The following FAH variants were observed in gnomAD, a reference collection of about 807,000 sequenced individuals.
FAH encodes fumarylacetoacetate hydrolase, also known as fumarylacetoacetase.
A neutral mutation model predicts 55.8 loss-of-function variants in FAH; 47 were observed. The ratio of observed to expected loss-of-function variants is 0.84; its 90% CI spans 0.67 to 1.07. The LOEUF (loss-of-function observed/expected upper bound fraction) is 1.07. Ranked by LOEUF, FAH falls within the 50% of genes least tolerant of loss-of-function variation. The pLI, the probability that FAH is intolerant of heterozygous loss-of-function variation, is 0.00. For synonymous variants in FAH, 199 were observed against 207.7 expected (o/e 0.96, Z 0.36); for missense variants, 495 against 545.9 (o/e 0.91, Z 0.93).
Position 80,181,114 on chromosome 15 carries a change from C to T in FAH, c.1135C>T (p.Gln379Ter). Residue 379 changes from glutamine to a stop codon, truncating the protein, a stop_gained, in exon 13 of 14, where the codon CAG (glutamine) becomes TAG (stop). Coordinates refer to ENST00000561421, the MANE Select transcript of FAH (RefSeq NM_000137.4). LOFTEE classifies it high-confidence loss of function. ...GAAGCCCATAGACCTGGGGAATGGT[C>T]AGACCAGGAAGTTTCTGCTGGACGG... ...GTKPIDLGNGQTRKFLLDGDE... is the reference protein window; with the variant it reads ...GTKPIDLGNG The T allele has an allele frequency of 6.2e-7, 1 of 1,613,814 alleles. No homozygotes were observed. The highest frequency in any genetic ancestry group is 8.5e-7 in the Non-Finnish European group (1 of 1,179,832).
At chr15:80,171,683 A>G (rs550318921) in intron 7 of FAH, among the ~76,000 whole-genome samples, 7 of 152,178 alleles carry the variant, frequency 4.6e-5, no homozygotes, top group Admixed American at 3.9e-4. Flanking sequence ...GCTTGTCTCA[A>G]ACTCCGAGGC....
intron 1 of FAH, among the ~76,000 whole-genome samples, chr15:80,154,701 A>G (rs2041083348): frequency 2.0e-5 from 3 of 152,164 alleles, no homozygotes; most frequent in South Asian, 2.1e-4. Context: ...GAATCCTGCC[A>G]TCACTTTATT....
At chr15:80,176,369 G>A (rs2041284253) in intron 10 of FAH, among the ~76,000 whole-genome samples, 1 of 152,220 alleles carries the variant, frequency 6.6e-6, no homozygotes, top group Non-Finnish European at 1.5e-5. Flanking sequence ...GCTTTGCCAT[G>A]TCTGTCTCAC....
At position 80,159,776 on chromosome 15, in the gene FAH, G is replaced by C. The variant is rs748140237; in HGVS notation, c.213G>C (p.Met71Ile). 1.9e-6 allele frequency: 3 copies of C among 1,614,194 alleles called. No individual in the cohort carries two copies. In the South Asian group the frequency reaches 3.3e-5, roughly 18 times the overall value. Residue 71 changes from methionine (M) to isoleucine (I), a missense_variant, in exon 3 of 14, where the codon ATG (methionine) becomes ATC (isoleucine). By Grantham distance (10) the Met-to-Ile change is conservative (BLOSUM62 1). Transcript: ENST00000561421. The stretch of plus-strand genomic sequence containing the variant: ...CTTAGCCTACACTCAACAGCTTCAT[G>C]GGCCTGGGTCAGGCTGCCTGGAAGG... ...VFNQPTLNSF[M>I]GLGQAAWKEA...
At chr15:80,162,459 T>C (rs2041157588) in intron 5 of FAH, 123 bp downstream of exon 5, 1 of 838,576 alleles carries the variant, frequency 1.2e-6, no homozygotes, top group Non-Finnish European at 2.0e-6. Flanking sequence ...GCAGTTATGA[T>C]GTTGCAACCT....
At chr15:80,171,293 A>G (rs986847986) in intron 7 of FAH, among the ~76,000 whole-genome samples, 1 of 151,720 alleles carries the variant, frequency 6.6e-6, no homozygotes, top group African/African-American at 2.4e-5. Context: ...GCACATATAC[A>G]CCATGGAATA....
Position 80,176,752 on chromosome 15 carries a change from C to T in FAH, c.914-785C>T, listed in dbSNP as rs139565675. On this transcript the variant is annotated intron_variant, in intron 10 of 13. Transcript: ENST00000561421. ...CTGGCTGCCTAGAGGTGAACCTGCC[C>T]GCCCGGGGGAGGCCACTGGTAGAAA... 1.4e-3 allele frequency among the ~76,000 whole-genome samples: 206 copies of T among 152,354 alleles called. 1 individual carries two copies. The highest frequency in any genetic ancestry group is 4.7e-3 in the African/African-American group (195 of 41,582).
Position 80,186,162 on chromosome 15 carries a change from T to C in FAH, c.1213T>C (p.Phe405Leu), listed in dbSNP as rs1341466471. The change falls in exon 14 of 14, where the codon TTT (phenylalanine) becomes CTT (leucine). Residue 405 changes from phenylalanine (F) to leucine (L), a missense_variant. Phe to Leu is a conservative substitution (Grantham distance 22, BLOSUM62 0). Coordinates refer to ENST00000561421, the MANE Select transcript of FAH (RefSeq NM_000137.4). ...YCQGDGYRIG[F>L]GQCAGKVLPA... ...CCAGGGGGATGGTTACCGCATCGGC[T>C]TTGGCCAGTGTGCTGGAAAAGTGCT... The C allele has an allele frequency of 1.2e-6, 2 of 1,614,078 alleles. No homozygotes were observed. Among genetic ancestry groups the C allele is most frequent in the Admixed American group, 1.7e-5 (1 of 60,008 alleles).
At chr15:80,172,334 G>A in intron 8 of FAH, 86 bp downstream of exon 8, 1 of 1,017,022 alleles carries the variant, frequency 9.8e-7, no homozygotes. Flanking sequence ...AAGATCTGGT[G>A]CAGGTCAAAA....
intron 11 of FAH, among the ~76,000 whole-genome samples, chr15:80,179,781 G>A (rs1466798062): frequency 6.6e-6 from 1 of 152,222 alleles, no homozygotes; most frequent in African/African-American, 2.4e-5. Flanking sequence ...AGAGTGGAGT[G>A]TTGTACACAA....
chr15:80,164,547 C>G (rs1441351765), intron 5 of FAH, among the ~76,000 whole-genome samples: 2 of 151,994 alleles, frequency 1.3e-5, no homozygotes, highest in Non-Finnish European at 2.9e-5. Flanking sequence ...CACACACACA[C>G]GCATGTACAC....
intron 9 of FAH, 26 bp downstream of exon 9, chr15:80,173,170 C>G (rs763974108): frequency 1.4e-5 from 22 of 1,614,028 alleles, no homozygotes; most frequent in Non-Finnish European, 1.5e-5. Flanking sequence ...GCAGGAAGCT[C>G]CCAAACCCAG....
chr15:80,158,223 T>C, intron 2 of FAH, 53 bp downstream of exon 2: 2 of 1,222,804 alleles, frequency 1.6e-6, no homozygotes, highest in Admixed American at 1.7e-5. Context: ...TTACTGTGGA[T>C]GCCAACAAGA....
chr15:80,173,946 C>A (rs1250744817), intron 9 of FAH, among the ~76,000 whole-genome samples: 1 of 152,176 alleles, frequency 6.6e-6, no homozygotes, highest in Non-Finnish European at 1.5e-5. Flanking sequence ...CCTCTACCAA[C>A]ACCCGGTGCT....
At chr15:80,174,746 G>A (rs2041268351) in intron 9 of FAH, among the ~76,000 whole-genome samples, 1 of 152,160 alleles carries the variant, frequency 6.6e-6, no homozygotes, top group Admixed American at 6.5e-5. Context: ...CCCTCCTGTG[G>A]CTTTCAGGAA....
At chr15:80,175,255 A>G (rs2142103557) in intron 10 of FAH, among the ~76,000 whole-genome samples, 164 bp downstream of exon 10, 1 of 151,822 alleles carries the variant, frequency 6.6e-6, no homozygotes, top group East Asian at 1.9e-4. Context: ...GGGAGGGGAC[A>G]CCCTGGTGCT....
chr15:80,153,041 G>A lies in FAH; in HGVS notation c.-14G>A, dbSNP rs1383690348. The A allele has an allele frequency of 6.2e-7, 1 of 1,611,952 alleles. No individual in the cohort carries two copies. Among genetic ancestry groups the A allele is most frequent in the Non-Finnish European group, 8.5e-7 (1 of 1,179,412 alleles). ...GCCACCTTAGGCCCGCAGCCGTGCC[G>A]GGTGCTCTTCAGCATGTCCTTCATC... On this transcript the variant is annotated 5_prime_UTR_variant, in exon 1 of 14. Coordinates refer to ENST00000561421, the MANE Select transcript of FAH (RefSeq NM_000137.4).
intron 1 of FAH, 112 bp downstream of exon 1, chr15:80,153,247 G>C (rs1481751335): frequency 1.1e-6 from 1 of 911,060 alleles, no homozygotes; most frequent in Non-Finnish European, 1.8e-6. Context: ...ATGGAGGCTT[G>C]TGCCATTTTT....
intron 7 of FAH, among the ~76,000 whole-genome samples, chr15:80,171,445 G>GA (rs1192623794): frequency 6.6e-6 from 1 of 152,146 alleles, no homozygotes; most frequent in African/African-American, 2.4e-5. Context: ...ATTGAGCAAT[G>GA]AAAATTTTTA....
Sources: allele counts gnomAD v4.1 joint callset (sites outside exome capture counted in the v4.1 genomes callset), GRCh38; gene constraint gnomAD v4.1.1; transcripts MANE v1.5; gene names NCBI Gene and HGNC (gene_info 2026-07-23, HGNC 2026-07-21).